Variants in ZFTA observed in about 807,000 individuals in gnomAD.
ZFTA encodes the protein zinc finger translocation-associated protein.
ZFTA carries 35 observed loss-of-function variants against 41.8 expected under a neutral mutation model. The ratio of observed to expected loss-of-function variants is 0.84; its 90% CI spans 0.64 to 1.11. ZFTA has a LOEUF of 1.11. Ranked by LOEUF, ZFTA falls within the 50% of genes most tolerant of loss-of-function variation. The pLI is 0.00. For synonymous variants in ZFTA, 514 were observed against 436.4 expected (o/e 1.18, Z -2.22); for missense variants, 964 against 989.8 (o/e 0.97, Z 0.35).
Position 63,762,165 on chromosome 11 carries a change from C to G in ZFTA, c.*1253G>C, listed in dbSNP as rs1337728221. On this transcript the variant is annotated 3_prime_UTR_variant, in exon 5 of 5. Coordinates refer to ENST00000433688, the MANE Select transcript of ZFTA (RefSeq NM_001144936.2). ...GGGTCCTCCCGTCCCCGCCTCTGCC[C>G]TCGCTCCTCCTTCCTTCAGGTCCTC... 6.6e-6 allele frequency: 1 copy of G among 152,640 alleles called. No homozygotes were observed. Among genetic ancestry groups the G allele is most frequent in the East Asian group, 1.9e-4 (1 of 5,202 alleles). 9.5% of individuals were successfully genotyped at this position (152,640 alleles called of 1,614,324 possible). A position where few individuals can be genotyped will look rare whatever the true frequency, so the allele number is the denominator to read the frequency against.
Position 63,764,617 on chromosome 11 carries a change from G to A in ZFTA, c.1025-19C>T. 3 of 1,263,116 alleles carry A rather than the reference G, an allele frequency of 2.4e-6. No individual in the cohort carries two copies. Among genetic ancestry groups the A allele is most frequent in the Non-Finnish European group, 3.0e-6 (3 of 1,002,728 alleles). 78.2% of individuals were successfully genotyped at this position (1,263,116 alleles called of 1,614,324 possible). A position where few individuals can be genotyped will look rare whatever the true frequency, so the allele number is the denominator to read the frequency against. On this transcript the variant is annotated intron_variant, in intron 3 of 4. Coordinates refer to ENST00000433688, the MANE Select transcript of ZFTA (RefSeq NM_001144936.2). ...TCATCGCCTGTTGGGGAAGGGGTGA[G>A]GGAGAGGGGCTCAGCCTGCTGGCTG...
chr11:63,764,421 C>T lies in ZFTA; in HGVS notation c.1202G>A (p.Arg401Lys). 4 of 1,271,372 alleles carry T rather than the reference C, an allele frequency of 3.1e-6. No individual in the cohort carries two copies. The highest frequency in any genetic ancestry group is 4.0e-6 in the Non-Finnish European group (4 of 1,010,414). 78.8% of individuals were successfully genotyped at this position (1,271,372 alleles called of 1,614,324 possible). A position where few individuals can be genotyped will look rare whatever the true frequency, so the allele number is the denominator to read the frequency against. The change falls in exon 4 of 5, where the codon AGG (arginine) becomes AAG (lysine). Residue 401 changes from arginine to lysine, a missense_variant. Physicochemically the swap from Arg to Lys is conservative, Grantham distance 26. This residue lies in a region of ZFTA where 584 missense variants were observed against 523.1 expected (regional missense o/e 1.12). Transcript: ENST00000433688. ...EEELEEGEGE[R>K]AGVPGRSPRG... ...CGGCGACCGGCCCGGGACCCCCGCC[C>T]TCTCGCCCTCGCCCTCCTCCAGCTC...
Position 63,765,672 on chromosome 11 carries a change from G to A in ZFTA, c.637+135C>T, listed in dbSNP as rs1246767862. The stretch of plus-strand genomic sequence containing the variant: ...CCTTCCCCCACCTTTGTATAATAAG[G>A]GCAATAAACAGACCCCACCCAGAGG... On this transcript the variant is annotated intron_variant, in intron 2 of 4. Coordinates refer to ENST00000433688, the MANE Select transcript of ZFTA (RefSeq NM_001144936.2). The surrounding 1 kb of genome is among the most constrained non-coding windows in gnomAD (Gnocchi z 4.0). The A allele has an allele frequency of 2.0e-5, 24 of 1,219,178 alleles. No individual in the cohort carries two copies. The highest frequency in any genetic ancestry group is 3.1e-5 in the African/African-American group (2 of 64,956). 75.5% of individuals were successfully genotyped at this position (1,219,178 alleles called of 1,614,324 possible).
chr11:63,764,372 G>A lies in ZFTA; in HGVS notation c.1251C>T (p.His417=), dbSNP rs1448033503. The change falls in exon 4 of 5, where the codon CAC becomes CAT. Residue 417 remains histidine, a synonymous_variant. Transcript: ENST00000433688. ...ACTCCAGCCGCCAGCGCTCCTGGGGGTGGCGGCGGTGGGCGCGGCCCCGCG... is the reference window on the plus strand; with the variant it reads ...ACTCCAGCCGCCAGCGCTCCTGGGGATGGCGGCGGTGGGCGCGGCCCCGCG... The part of the protein sequence containing the change: ...RSPRGRAHRR[H]PQERWRLEYL... 3.1e-6 allele frequency: 4 copies of A among 1,309,068 alleles called. No individual in the cohort carries two copies. The highest frequency in any genetic ancestry group is 2.1e-5 in the South Asian group (1 of 48,668). 81.1% of individuals were successfully genotyped at this position (1,309,068 alleles called of 1,614,324 possible).
rs1001228991 is a variant in ZFTA, at chr11:63,761,190, CAAA to C, written c.*2225_*2227del. The C allele has an allele frequency of 2.6e-5, 4 of 152,230 alleles. No homozygotes were observed. Among genetic ancestry groups the C allele is most frequent in the Non-Finnish European group, 5.9e-5 (4 of 68,044 alleles). 9.4% of individuals were successfully genotyped at this position (152,230 alleles called of 1,614,324 possible). ...CGTTCTCAAGCTTTTAATACTGTCT[CAAA>C]AACCGTGGAGGTTCAAACTCACTGG... On this transcript the variant is annotated 3_prime_UTR_variant, in exon 5 of 5. Transcript: ENST00000433688.
At position 63,763,810 on chromosome 11, in the gene ZFTA, C is replaced by G. The variant is rs1262344922; in HGVS notation, c.1645G>C (p.Glu549Gln). 6.9e-7 allele frequency: 1 copy of G among 1,447,634 alleles called. No homozygotes were observed. The allele number at this position is 1,447,634 out of a possible 1,614,324, so 89.7% of individuals were successfully genotyped here. A position where few individuals can be genotyped will look rare whatever the true frequency, so the allele number is the denominator to read the frequency against. Reference sequence around the variant, plus strand: ...CCCCCAGGCTCCTGGCCGTCCTCTTCGTCCTCCTCTTCTTCGGCGGGCCGC... The same window carrying G: ...CCCCCAGGCTCCTGGCCGTCCTCTTGGTCCTCCTCTTCTTCGGCGGGCCGC... ...LERPAEEEEDEEDGQEPGGLA... is the reference protein window; with the variant it reads ...LERPAEEEEDQEDGQEPGGLA... The change falls in exon 5 of 5, where the codon GAA (glutamate) becomes CAA (glutamine). Residue 549 changes from glutamate (E) to glutamine (Q), a missense_variant. This residue lies in a region of ZFTA where 584 missense variants were observed against 523.1 expected (regional missense o/e 1.12). Transcript: ENST00000433688.
intron 1 of ZFTA, among the ~76,000 whole-genome samples, chr11:63,767,025 G>A (rs778102635): frequency 1.3e-5 from 2 of 152,218 alleles, no homozygotes; most frequent in Non-Finnish European, 1.5e-5. Context: ...ATGACACTGC[G>A]GCAGGGAGTG....
At position 63,765,270 on chromosome 11, in the gene ZFTA, G is replaced by A; in HGVS notation, c.638-16C>T. On this transcript the variant is annotated splice_polypyrimidine_tract_variant and intron_variant, in intron 2 of 4. Transcript: ENST00000433688. This position sits in a 1 kb window ranked among gnomAD's most constrained non-coding sequence, Gnocchi z 4.0. ...GGGGCTTTGCCTGAAAGGGTTGGAG[G>A]GAAGGAACTGAGACGCTGGCCCCAC... 4 of 1,439,690 alleles carry A rather than the reference G, an allele frequency of 2.8e-6. No individual in the cohort carries two copies. Among genetic ancestry groups the A allele is most frequent in the Non-Finnish European group, 3.6e-6 (4 of 1,103,728 alleles). 89.2% of individuals were successfully genotyped at this position (1,439,690 alleles called of 1,614,324 possible). A position where few individuals can be genotyped will look rare whatever the true frequency, so the allele number is the denominator to read the frequency against.
Position 63,759,966 on chromosome 11 carries a change from A to G in ZFTA, c.*3452T>C, listed in dbSNP as rs2014587314. On this transcript the variant is annotated 3_prime_UTR_variant, in exon 5 of 5. Transcript: ENST00000433688. ...AAAGTAAGAACCAAACACTGCTTCC[A>G]CTCCCCCTATCCTCACTCCACTTTG... 6.6e-6 allele frequency: 1 copy of G among 151,618 alleles called. No homozygotes were observed. Among genetic ancestry groups the G allele is most frequent in the African/African-American group, 2.4e-5 (1 of 41,230 alleles). 9.4% of individuals were successfully genotyped at this position (151,618 alleles called of 1,614,324 possible).
At position 63,764,280 on chromosome 11, in the gene ZFTA, G is replaced by T; in HGVS notation, c.1343C>A (p.Ser448Ter). 2.1e-6 allele frequency: 3 copies of T among 1,460,234 alleles called. No homozygotes were observed. The highest frequency in any genetic ancestry group is 2.7e-6 in the Non-Finnish European group (3 of 1,113,492). The allele number at this position is 1,460,234 out of a possible 1,614,324, so 90.5% of individuals were successfully genotyped here. ...VCGVCGGALA[S>*]LKMSTIERHI... is the part of the protein sequence containing the mutation. ...GCGCTCGATGGTGCTCATCTTGAGC[G>T]AGGCCAGCGCGCCCCCGCACACCCC... The change falls in exon 4 of 5, where the codon TCG becomes TAG. Residue 448 changes from serine (S) to a stop codon, truncating the protein, a stop_gained. Coordinates refer to ENST00000433688, the MANE Select transcript of ZFTA (RefSeq NM_001144936.2). LOFTEE classifies it high-confidence loss of function.
Position 63,765,327 on chromosome 11 carries a change from C to G in ZFTA, c.638-73G>C. 7.2e-7 allele frequency: 1 copy of G among 1,389,322 alleles called. No individual in the cohort carries two copies. The highest frequency in any genetic ancestry group is 9.3e-7 in the Non-Finnish European group (1 of 1,071,000). The allele number at this position is 1,389,322 out of a possible 1,614,324, so 86.1% of individuals were successfully genotyped here. The stretch of plus-strand genomic sequence containing the variant: ...ATACCCACTACAGCCAGGTCTCCCA[C>G]AAGCCTCTCACTCACTTGGGCCCCA... On this transcript the variant is annotated intron_variant, in intron 2 of 4. Coordinates refer to ENST00000433688, the MANE Select transcript of ZFTA (RefSeq NM_001144936.2). The surrounding 1 kb of genome is among the most constrained non-coding windows in gnomAD (Gnocchi z 4.0).
In ZFTA at chr11:63,763,722, C is replaced by A. The variant is rs1433672643; in HGVS notation, c.1733G>T (p.Arg578Leu). 3 of 1,514,218 alleles carry A rather than the reference C, an allele frequency of 2.0e-6. No individual in the cohort carries two copies. The highest frequency in any genetic ancestry group is 1.8e-6 in the Non-Finnish European group (2 of 1,127,278). 93.8% of individuals were successfully genotyped at this position (1,514,218 alleles called of 1,614,324 possible). ...CCGCCACCGCGGCTGGTAGTTCCGC[C>A]GCTGCTCCCGGCTGCGGGGCGGGGG... The part of the protein sequence containing the change: ...PPPPPRSREQ[R>L]RNYQPRWRGE... Residue 578 changes from arginine (R) to leucine (L), a missense_variant, in exon 5 of 5, where the codon CGG becomes CTG. Around this residue, in one of 5 missense-constraint regions of ZFTA, gnomAD observed 63 missense variants for 97.8 expected, o/e 0.64. Transcript: ENST00000433688.
chr11:63,764,468 G>A lies in ZFTA; in HGVS notation c.1155C>T (p.Pro385=). The change falls in exon 4 of 5, where the codon CCC becomes CCT. Residue 385 remains proline (P), a synonymous_variant. Transcript: ENST00000433688. ...KEEAGWVPER[P]GPAEEEEELE... Reference sequence around the variant, plus strand: ...GCTCCTCCTCCTCCTCTGCGGGCCCGGGCCTCTCAGGGACCCAGCCAGCCT... The same window carrying A: ...GCTCCTCCTCCTCCTCTGCGGGCCCAGGCCTCTCAGGGACCCAGCCAGCCT... 3.2e-6 allele frequency: 4 copies of A among 1,262,722 alleles called. No homozygotes were observed. In the South Asian group the frequency reaches 1.4e-4, roughly 43 times the overall value. The allele number at this position is 1,262,722 out of a possible 1,614,324, so 78.2% of individuals were successfully genotyped here.
At position 63,764,452 on chromosome 11, in the gene ZFTA, C is replaced by G. The variant is rs1307152569; in HGVS notation, c.1171G>C (p.Glu391Gln). The change falls in exon 4 of 5, where the codon GAG (glutamate) becomes CAG (glutamine). Residue 391 changes from glutamate (E) to glutamine (Q), a missense_variant. Glu to Gln is a conservative substitution (Grantham distance 29, BLOSUM62 2). Around this residue, in one of 5 missense-constraint regions of ZFTA, gnomAD observed 584 missense variants for 523.1 expected, o/e 1.12. Coordinates refer to ENST00000433688, the MANE Select transcript of ZFTA (RefSeq NM_001144936.2). ...VPERPGPAEEEEELEEGEGER... is the reference protein window; with the variant it reads ...VPERPGPAEEQEELEEGEGER... ...CCCTCGCCCTCCTCCAGCTCCTCCTCCTCCTCTGCGGGCCCGGGCCTCTCA... is the reference window on the plus strand; with the variant it reads ...CCCTCGCCCTCCTCCAGCTCCTCCTGCTCCTCTGCGGGCCCGGGCCTCTCA... The G allele has an allele frequency of 7.9e-7, 1 of 1,266,272 alleles. No homozygotes were observed. The highest frequency in any genetic ancestry group is 1.0e-6 in the Non-Finnish European group (1 of 1,003,918). 78.4% of individuals were successfully genotyped at this position (1,266,272 alleles called of 1,614,324 possible).
chr11:63,767,363 T>G (rs1351893181), intron 1 of ZFTA: 1 of 152,230 alleles, frequency 6.6e-6, no homozygotes, highest in Non-Finnish European at 1.5e-5. Context: ...TTAGTTTTTA[T>G]TTAAGTAGAT....
chr11:63,765,360 C>T lies in ZFTA; in HGVS notation c.638-106G>A. 8.0e-7 allele frequency: 1 copy of T among 1,256,040 alleles called. No individual in the cohort carries two copies. The highest frequency in any genetic ancestry group is 1.0e-6 in the Non-Finnish European group (1 of 954,960). The allele number at this position is 1,256,040 out of a possible 1,614,324, so 77.8% of individuals were successfully genotyped here. On this transcript the variant is annotated intron_variant, in intron 2 of 4. Coordinates refer to ENST00000433688, the MANE Select transcript of ZFTA (RefSeq NM_001144936.2). The surrounding 1 kb of genome is among the most constrained non-coding windows in gnomAD (Gnocchi z 4.0). ...TCACTCACTTGGGCCCCAGGCCTAA[C>T]CTTTGCCCTTCTCTTCCTCTCTCCT...
chr11:63,768,349 C>G (rs1168028610), intron 1 of ZFTA, 135 bp downstream of exon 1: 1 of 406,878 alleles, frequency 2.5e-6, no homozygotes, highest in Non-Finnish European at 3.4e-6. Flanking sequence ...CCGCGCTCCG[C>G]GCCCACCAGG....
Position 63,763,151 on chromosome 11 carries a change from C to G in ZFTA, c.*267G>C, listed in dbSNP as rs1381948721. ...TGAGGATTCTCGGAAAACGTGGGCCCTGCGCGGGGAGGGCAGGGCTCCGGG... is the reference window on the plus strand; with the variant it reads ...TGAGGATTCTCGGAAAACGTGGGCCGTGCGCGGGGAGGGCAGGGCTCCGGG... On this transcript the variant is annotated 3_prime_UTR_variant, in exon 5 of 5. Transcript: ENST00000433688. The G allele has an allele frequency of 2.7e-5, 5 of 186,852 alleles. No individual in the cohort carries two copies. The highest frequency in any genetic ancestry group is 2.2e-5 in the Non-Finnish European group (2 of 89,682). The allele number at this position is 186,852 out of a possible 1,614,324, so 11.6% of individuals were successfully genotyped here. A position where few individuals can be genotyped will look rare whatever the true frequency, so the allele number is the denominator to read the frequency against.
intron 4 of ZFTA, 36 bp downstream of exon 4, chr11:63,764,002 C>G (rs1452728143): frequency 1.2e-4 from 159 of 1,303,510 alleles, no homozygotes; most frequent in Non-Finnish European, 1.5e-4. Context: ...AACTGCCCGG[C>G]TCTCCCTCTC....
Sources: allele counts gnomAD v4.1 joint callset (sites outside exome capture counted in the v4.1 genomes callset), GRCh38; gene constraint gnomAD v4.1.1; regional missense constraint gnomAD v4.1.1; non-coding constraint Gnocchi (gnomAD v3.1); transcripts MANE v1.5; gene names NCBI Gene and HGNC (gene_info 2026-07-23, HGNC 2026-07-21).